Variants in SV2C observed in about 807,000 individuals in gnomAD.
SV2C encodes the protein solute carrier family 22 member B3.
In SV2C, 49 loss-of-function variants were observed where a neutral mutation model predicts 79.7. The observed-to-expected ratio is 0.61, with a 90% CI of 0.49 to 0.78. SV2C has a LOEUF of 0.78. Ranked by LOEUF, SV2C falls within the 30% of genes least tolerant of loss-of-function variation. The probability of loss-of-function intolerance (pLI) is 0.00; values close to 1 mark genes in which losing one functional copy is unlikely to be tolerated. For synonymous variants in SV2C, 334 were observed against 333.2 expected (o/e 1.00, Z -0.03); for missense variants, 833 against 912.9 (o/e 0.91, Z 1.13).
chr5:75,957,967 A>G, the SV2C span, among the ~76,000 whole-genome samples: 2,322 of 152,088 alleles, frequency 0.015, 51 homozygotes, highest in African/African-American at 0.053. Flanking sequence ...TTTGTCAGAT[A>G]ACTTGGAAGG....
chr5:76,205,437 G>A (rs985171704), intron 3 of SV2C, among the ~76,000 whole-genome samples: 1 of 151,818 alleles, frequency 6.6e-6, no homozygotes, highest in Non-Finnish European at 1.5e-5. Context: ...TTCCTTCTGT[G>A]CCTCTTATTA....
the SV2C span, among the ~76,000 whole-genome samples, chr5:76,025,450 T>C: frequency 6.6e-6 from 1 of 152,176 alleles, no homozygotes; most frequent in African/African-American, 2.4e-5. Context: ...GAAATAAGGC[T>C]TTTAAAAAGC....
chr5:75,977,092 A>C, the SV2C span, among the ~76,000 whole-genome samples: 1 of 152,214 alleles, frequency 6.6e-6, no homozygotes, highest in Non-Finnish European at 1.5e-5. Context: ...GAAAAATATA[A>C]ATTATTTACC....
chr5:76,254,255 T>TAGAG (rs1351298346), intron 4 of SV2C, among the ~76,000 whole-genome samples: 76 of 147,800 alleles, frequency 5.1e-4, no homozygotes, highest in African/African-American at 1.9e-3. Context: ...TATATATATA[T>TAGAG]ATAGAGAGAG....
chr5:75,963,587 T>C, the SV2C span, among the ~76,000 whole-genome samples: 1 of 152,232 alleles, frequency 6.6e-6, no homozygotes, highest in African/African-American at 2.4e-5. Context: ...TTTTATATAT[T>C]TTTTACTTAT....
chr5:76,245,249 GGAATGAAT>G (rs1037612641), intron 4 of SV2C, among the ~76,000 whole-genome samples: 1 of 152,070 alleles, frequency 6.6e-6, no homozygotes, highest in Admixed American at 6.6e-5. Flanking sequence ...AAATTTTGTA[GGAATGAAT>G]GAATGAATGA....
the SV2C span, among the ~76,000 whole-genome samples, chr5:75,956,442 T>G: frequency 6.6e-6 from 1 of 150,600 alleles, no homozygotes; most frequent in Non-Finnish European, 1.5e-5. Context: ...ATATACCTAA[T>G]GAGAGATGAC....
the SV2C span, among the ~76,000 whole-genome samples, chr5:75,893,142 T>C: frequency 8.4e-4 from 128 of 152,264 alleles, no homozygotes; most frequent in Admixed American, 2.7e-3. Context: ...TGGTATCTCA[T>C]TGTGGTTTTG....
chr5:76,125,638 G>A (rs1750885300), intron 1 of SV2C, among the ~76,000 whole-genome samples: 2 of 152,164 alleles, frequency 1.3e-5, no homozygotes. Flanking sequence ...GTCATATAAA[G>A]TCAGAGTACT....
intron 4 of SV2C, among the ~76,000 whole-genome samples, chr5:76,237,688 A>G (rs1186295148): frequency 6.6e-6 from 1 of 152,192 alleles, no homozygotes; most frequent in Non-Finnish European, 1.5e-5. Context: ...CTATATTGAT[A>G]GTATGGCTGG....
At chr5:75,996,612 A>G in the SV2C span, among the ~76,000 whole-genome samples, 4 of 152,082 alleles carry the variant, frequency 2.6e-5, no homozygotes, top group Non-Finnish European at 4.4e-5. Context: ...CTTCCTACCC[A>G]TGAGCATGGA....
At chr5:76,052,547 C>T in the SV2C span, among the ~76,000 whole-genome samples, 6 of 152,146 alleles carry the variant, frequency 3.9e-5, no homozygotes, top group African/African-American at 9.7e-5. Flanking sequence ...GGGACCTGGA[C>T]CTAGGAAGAA....
intron 12 of SV2C, among the ~76,000 whole-genome samples, chr5:76,319,656 C>T (rs1447728176): frequency 6.6e-6 from 1 of 152,066 alleles, no homozygotes; most frequent in African/African-American, 2.4e-5. Context: ...CCTCAGATAC[C>T]AGATGCTCCT....
intron 1 of SV2C, among the ~76,000 whole-genome samples, chr5:76,108,635 A>T (rs1348554678): frequency 6.6e-6 from 1 of 152,090 alleles, no homozygotes; most frequent in African/African-American, 2.4e-5. Flanking sequence ...GAGGCCAAAA[A>T]TTTTTTTTCA....
intron 2 of SV2C, among the ~76,000 whole-genome samples, chr5:76,193,752 A>G (rs534634764): frequency 6.6e-6 from 1 of 152,286 alleles, no homozygotes; most frequent in African/African-American, 2.4e-5. Context: ...GAGAAACATC[A>G]TTTCACAACC....
the SV2C span, among the ~76,000 whole-genome samples, chr5:75,971,242 G>A: frequency 6.6e-6 from 1 of 152,024 alleles, no homozygotes; most frequent in Non-Finnish European, 1.5e-5. Flanking sequence ...AAAACTGGAA[G>A]CATTCCCTTT....
intron 8 of SV2C, among the ~76,000 whole-genome samples, chr5:76,293,196 A>C (rs17747572): frequency 0.073 from 11,150 of 152,244 alleles, 699 homozygotes; most frequent in East Asian, 0.3. Flanking sequence ...CCCAAGCTCT[A>C]GAAAATCCAT....
the SV2C span, among the ~76,000 whole-genome samples, chr5:75,899,975 G>A: frequency 3.9e-5 from 6 of 152,118 alleles, no homozygotes; most frequent in South Asian, 4.1e-4. Context: ...CATGTGAGGC[G>A]GGTTTCCTGA....
At chr5:76,181,690 C>A (rs1159776365) in intron 2 of SV2C, among the ~76,000 whole-genome samples, 1 of 152,062 alleles carries the variant, frequency 6.6e-6, no homozygotes, top group Non-Finnish European at 1.5e-5. Context: ...TAGGGCTAAA[C>A]CATTAGAAAC....
Sources: allele counts gnomAD v4.1 joint callset (sites outside exome capture counted in the v4.1 genomes callset), GRCh38; gene constraint gnomAD v4.1.1; transcripts MANE v1.5; gene names NCBI Gene and HGNC (gene_info 2026-07-23, HGNC 2026-07-21).